The following CCBE1 variants were observed in gnomAD, a reference collection of about 807,000 sequenced individuals.
CCBE1 encodes the protein collagen and calcium binding EGF domains 1.
CCBE1 carries 37 observed loss-of-function variants against 50.0 expected under a neutral mutation model. That is an observed-to-expected ratio of 0.74 (90% CI 0.57 to 0.97). The LOEUF is 0.97. Ranked by LOEUF, CCBE1 falls within the 50% of genes least tolerant of loss-of-function variation. The pLI is 0.00. For synonymous variants in CCBE1, 234 were observed against 203.7 expected, an observed-to-expected ratio of 1.15 and a Z score of -1.27; for missense variants, 538 against 523.8, an observed-to-expected ratio of 1.03 and a Z score of -0.26.
At chr18:59,655,220 C>G (rs954981403) in intron 2 of CCBE1, among the ~76,000 whole-genome samples, 2 of 152,114 alleles carry the variant, frequency 1.3e-5, no homozygotes, top group Non-Finnish European at 2.9e-5. Flanking sequence ...TTTTCTGGTT[C>G]TAAAACTGTT....
rs536018871 is a variant in CCBE1 at position 59,591,194 on chromosome 18, C to T, written c.212+105435G>A. On this transcript the variant is annotated intron_variant, in intron 2 of 10. Coordinates refer to ENST00000439986, the MANE Select transcript of CCBE1 (RefSeq NM_133459.4). ...CCGGGGGGCGGAGCTTGCAGTGAGC[C>T]GAGATTGCGCCACTGCACTCCCGCC... is the stretch of plus-strand genomic sequence containing the variant. 8.0e-4 allele frequency among the ~76,000 whole-genome samples: 24 copies of T among 29,900 alleles called. 4 individuals are homozygous for T. The highest frequency in any genetic ancestry group is 1.2e-3 in the Non-Finnish European group (24 of 20,332). The allele number at this position is 29,900 out of a possible 152,430, so 19.6% of individuals were successfully genotyped here.
At chr18:59,563,031 T>C (rs940730452) in intron 2 of CCBE1, among the ~76,000 whole-genome samples, 1 of 152,222 alleles carries the variant, frequency 6.6e-6, no homozygotes, top group Admixed American at 6.5e-5. Context: ...AGTTTATGTA[T>C]TTTTGTTCTC....
intron 2 of CCBE1, among the ~76,000 whole-genome samples, chr18:59,537,829 C>T (rs371371169): frequency 3.3e-5 from 5 of 152,140 alleles, no homozygotes; most frequent in East Asian, 1.9e-4. Context: ...TTCACAGCTC[C>T]GTCCTCTCCC....
rs572715337 is a variant in CCBE1, at chr18:59,466,233, G to A, written c.553+506C>T. On this transcript the variant is annotated intron_variant, in intron 5 of 10. Transcript: ENST00000439986. ...CCATGTGTCATGGGAGGGACCTGGTGGTGGGTAATTGAATCATGGGGGCAG... is the reference window on the plus strand; with the variant it reads ...CCATGTGTCATGGGAGGGACCTGGTAGTGGGTAATTGAATCATGGGGGCAG... 4.6e-5 allele frequency among the ~76,000 whole-genome samples: 7 copies of A among 152,188 alleles called. No individual in the cohort carries two copies. The South Asian group carries it at 1.2e-3, about 27-fold the overall frequency.
intron 2 of CCBE1, chr18:59,696,389 G>T: frequency 9.5e-7 from 1 of 1,052,142 alleles, no homozygotes; most frequent in Non-Finnish European, 1.3e-6. Context: ...TCAGGGAGCG[G>T]CAACCATCCT....
chr18:59,460,164 C>T (rs1029906836), intron 5 of CCBE1, among the ~76,000 whole-genome samples: 27 of 152,208 alleles, frequency 1.8e-4, no homozygotes, highest in Non-Finnish European at 1.0e-4. Context: ...ATTAGCCAGA[C>T]AGCTTGTCTC....
At position 59,469,530 on chromosome 18, in the gene CCBE1, G is replaced by C. The variant is rs375983732; in HGVS notation, c.343C>G (p.Pro115Ala). The C allele has an allele frequency of 1.1e-5, 17 of 1,614,056 alleles. No individual in the cohort carries two copies. The highest frequency in any genetic ancestry group is 1.4e-5 in the Non-Finnish European group (17 of 1,180,048). The change falls in exon 4 of 11, where the codon CCG becomes GCG. Residue 115 changes from proline to alanine, a missense_variant. Physicochemically the swap from Pro to Ala is conservative, Grantham distance 27. Transcript: ENST00000439986. The stretch of plus-strand genomic sequence containing the variant: ...CTCTCCCGGTCATATCGGTATCCCG[G>C]ATAACAAGTACACAGCACTCGGCCA... ...NFGRVLCTCY[P>A]GYRYDRERHR... is the part of the protein sequence containing the mutation.
intron 2 of CCBE1, among the ~76,000 whole-genome samples, chr18:59,658,130 A>C (rs1026800620): frequency 6.0e-5 from 9 of 150,528 alleles, no homozygotes; most frequent in Non-Finnish European, 1.2e-4. Flanking sequence ...CAGCAATATG[A>C]CTTGATTCAT....
At chr18:59,454,721 A>C (rs887718464) in intron 6 of CCBE1, 130 bp downstream of exon 6, 1 of 827,454 alleles carries the variant, frequency 1.2e-6, no homozygotes, top group African/African-American at 1.7e-5. Context: ...AAGTCCATGC[A>C]AACCTCACTG....
intron 2 of CCBE1, among the ~76,000 whole-genome samples, chr18:59,577,849 A>T (rs1011451614): frequency 1.3e-5 from 2 of 152,256 alleles, no homozygotes; most frequent in Non-Finnish European, 2.9e-5. Flanking sequence ...GCCCAAAACC[A>T]TAAAAACCCT....
intron 2 of CCBE1, among the ~76,000 whole-genome samples, chr18:59,695,542 A>G (rs2054794129): frequency 6.6e-6 from 1 of 152,204 alleles, no homozygotes; most frequent in Non-Finnish European, 1.5e-5. Context: ...GAAGTACGCG[A>G]TGTAACTGAT....
At chr18:59,599,458 T>C (rs2053401347) in intron 2 of CCBE1, among the ~76,000 whole-genome samples, 1 of 152,196 alleles carries the variant, frequency 6.6e-6, no homozygotes, top group Non-Finnish European at 1.5e-5. Flanking sequence ...AAGACTAAAA[T>C]GGAAACAGCA....
chr18:59,448,535 C>T (rs974247253), intron 6 of CCBE1, among the ~76,000 whole-genome samples: 1 of 152,158 alleles, frequency 6.6e-6, no homozygotes, highest in East Asian at 1.9e-4. Context: ...GAACTCTCAG[C>T]CTTGGGAGTT....
chr18:59,447,873 G>T (rs2143648809), intron 7 of CCBE1, 110 bp downstream of exon 7: 1 of 1,546,136 alleles, frequency 6.5e-7, no homozygotes, highest in Non-Finnish European at 8.8e-7. Flanking sequence ...CACCTGCCTT[G>T]TTTCTCCTCG....
chr18:59,636,182 T>C (rs2053913840), intron 2 of CCBE1, among the ~76,000 whole-genome samples: 1 of 151,680 alleles, frequency 6.6e-6, no homozygotes, highest in African/African-American at 2.4e-5. Flanking sequence ...AGCTCTGAAC[T>C]CCTTACATAA....
intron 3 of CCBE1, among the ~76,000 whole-genome samples, chr18:59,472,909 T>C (rs1912104543): frequency 6.6e-6 from 1 of 152,204 alleles, no homozygotes; most frequent in Non-Finnish European, 1.5e-5. Flanking sequence ...AAGAGAGAGC[T>C]TGTGCATGGG....
At chr18:59,483,008 C>T (rs117693549) in intron 2 of CCBE1, among the ~76,000 whole-genome samples, 4,510 of 152,154 alleles carry the variant, frequency 0.03, 131 homozygotes, top group South Asian at 0.1. Context: ...CTGAGTTAAA[C>T]GTGGTCTACC....
At chr18:59,532,679 T>A (rs1915097764) in intron 2 of CCBE1, among the ~76,000 whole-genome samples, 1 of 152,250 alleles carries the variant, frequency 6.6e-6, no homozygotes, top group African/African-American at 2.4e-5. Flanking sequence ...TTACAGCTAA[T>A]TAACTTGGAT....
chr18:59,686,674 G>A (rs926176384), intron 2 of CCBE1, among the ~76,000 whole-genome samples: 1 of 152,096 alleles, frequency 6.6e-6, no homozygotes, highest in Non-Finnish European at 1.5e-5. Flanking sequence ...TGGATTCAAA[G>A]CTCCCTTTAT....
Sources: allele counts gnomAD v4.1 joint callset (sites outside exome capture counted in the v4.1 genomes callset), GRCh38; gene constraint gnomAD v4.1.1; transcripts MANE v1.5; gene names NCBI Gene and HGNC (gene_info 2026-07-23, HGNC 2026-07-21).